ZHX3: variants seen among roughly 807,000 people sequenced by gnomAD.
The protein encoded by ZHX3 is zinc fingers and homeoboxes 3.
In ZHX3, 20 loss-of-function variants were observed where a neutral mutation model predicts 64.5. The observed-to-expected ratio is 0.31, with a 90% CI of 0.22 to 0.45. ZHX3 has a LOEUF of 0.45. ZHX3 is among the 20% of genes least tolerant of loss of function. The pLI is 1.00. For missense variants in ZHX3, 1,041 were observed against 1,195.8 expected (o/e 0.87, Z 1.91); for synonymous variants, 423 against 461.6 (o/e 0.92, Z 1.07).
chr20:41,310,976 T>C (rs920095149), intron 1 of ZHX3, among the ~76,000 whole-genome samples: 12 of 151,946 alleles, frequency 7.9e-5, no homozygotes, highest in African/African-American at 2.9e-4. Context: ...ACCAAGCTAA[T>C]TTTTTGTATT....
At chr20:41,288,174 C>G (rs544459966) in intron 1 of ZHX3, among the ~76,000 whole-genome samples, 8 of 152,292 alleles carry the variant, frequency 5.3e-5, no homozygotes, top group African/African-American at 1.7e-4. Flanking sequence ...CACATGCCAC[C>G]ACACCTGGCT....
rs6029560 is a variant in ZHX3 at position 41,178,475 on chromosome 20, G to A, written c.*6716C>T. 6.6e-6 allele frequency: 1 copy of A among 152,572 alleles called. No individual in the cohort carries two copies. Among genetic ancestry groups the A allele is most frequent in the South Asian group, 2.1e-4 (1 of 4,834 alleles). 9.5% of individuals were successfully genotyped at this position (152,572 alleles called of 1,614,324 possible). A position where few individuals can be genotyped will look rare whatever the true frequency, so the allele number is the denominator to read the frequency against. On this transcript the variant is annotated 3_prime_UTR_variant, in exon 4 of 4. Transcript: ENST00000683867. ...TGAAATATATTTATGTTTTTATTTA[G>A]GAATAATCAAAAGGTTTGAAGTACC... is the stretch of plus-strand genomic sequence containing the variant.
chr20:41,234,509 G>A (rs2040831377), intron 2 of ZHX3, among the ~76,000 whole-genome samples: 2 of 152,246 alleles, frequency 1.3e-5, no homozygotes, highest in South Asian at 4.1e-4. Context: ...TCAGGGAAAA[G>A]GGACAGATAT....
rs993119609 is a variant in ZHX3, at chr20:41,182,196, T to C, written c.*2995A>G. 2 of 152,090 alleles carry C rather than the reference T, an allele frequency of 1.3e-5. No homozygotes were observed. The highest frequency in any genetic ancestry group is 2.4e-5 in the African/African-American group (1 of 41,404). The allele number at this position is 152,090 out of a possible 1,614,324, so 9.4% of individuals were successfully genotyped here. ...TCTACAACCCCATGTAAAAAACAAA[T>C]GGGTACAAGACATCAGCAACAAAAA... is the stretch of plus-strand genomic sequence containing the variant. On this transcript the variant is annotated 3_prime_UTR_variant, in exon 4 of 4. Coordinates refer to ENST00000683867, the MANE Select transcript of ZHX3 (RefSeq NM_001384317.1). This position sits in a 1 kb window ranked among gnomAD's most constrained non-coding sequence, Gnocchi z 6.1.
At position 41,178,871 on chromosome 20, in the gene ZHX3, A is replaced by G. The variant is rs898702709; in HGVS notation, c.*6320T>C. 8 of 152,680 alleles carry G rather than the reference A, an allele frequency of 5.2e-5. No individual in the cohort carries two copies. The highest frequency in any genetic ancestry group is 1.9e-4 in the African/African-American group (8 of 41,458). 9.5% of individuals were successfully genotyped at this position (152,680 alleles called of 1,614,324 possible). ...TTTGGCTAAAGTTTCATTGTGCCTC[A>G]AAACAAACAAAAACAGGGCAGTTGC... is the stretch of plus-strand genomic sequence containing the variant. On this transcript the variant is annotated 3_prime_UTR_variant, in exon 4 of 4. Transcript: ENST00000683867.
At chr20:41,269,978 A>C (rs2043051020) in intron 1 of ZHX3, among the ~76,000 whole-genome samples, 1 of 152,142 alleles carries the variant, frequency 6.6e-6, no homozygotes, top group South Asian at 2.1e-4. Context: ...ACACTGCATC[A>C]GGGATTGTTC....
intron 1 of ZHX3, among the ~76,000 whole-genome samples, chr20:41,313,501 C>G (rs1443489964): frequency 6.6e-6 from 1 of 151,712 alleles, no homozygotes; most frequent in African/African-American, 2.4e-5. Context: ...CATGGTAACA[C>G]AGCCCACACA....
chr20:41,253,929 A>AT (rs1008587249), intron 2 of ZHX3, among the ~76,000 whole-genome samples: 2 of 151,596 alleles, frequency 1.3e-5, no homozygotes, highest in African/African-American at 4.8e-5. Context: ...TATGTTTGAA[A>AT]TTTTTCATAA....
At chr20:41,233,065 G>C (rs1568865962) in intron 2 of ZHX3, among the ~76,000 whole-genome samples, 1 of 152,196 alleles carries the variant, frequency 6.6e-6, no homozygotes, top group African/African-American at 2.4e-5. Context: ...TGTTACACAA[G>C]CAACCTCAAC....
chr20:41,258,581 G>T (rs1232603900), intron 2 of ZHX3, among the ~76,000 whole-genome samples: 1 of 152,032 alleles, frequency 6.6e-6, no homozygotes, highest in African/African-American at 2.4e-5. Flanking sequence ...CCTTGATTCG[G>T]GTTTGCCTGA....
intron 2 of ZHX3, among the ~76,000 whole-genome samples, chr20:41,238,226 T>C (rs937990002): frequency 6.6e-5 from 10 of 152,242 alleles, no homozygotes; most frequent in Admixed American, 3.3e-4. Context: ...TTTGCATTTA[T>C]GTCGAACTCA....
At chr20:41,301,048 G>A (rs1181586356) in intron 1 of ZHX3, among the ~76,000 whole-genome samples, 1 of 152,190 alleles carries the variant, frequency 6.6e-6, no homozygotes, top group Non-Finnish European at 1.5e-5. Flanking sequence ...CAGTGACAGA[G>A]GCCAGAGTAC....
chr20:41,250,813 A>C (rs1600507529), intron 2 of ZHX3, among the ~76,000 whole-genome samples: 1 of 152,150 alleles, frequency 6.6e-6, no homozygotes, highest in East Asian at 1.9e-4. Flanking sequence ...CATACTACCT[A>C]TAAGGGAATA....
chr20:41,303,511 T>A (rs576411911), intron 1 of ZHX3, among the ~76,000 whole-genome samples: 3 of 152,230 alleles, frequency 2.0e-5, no homozygotes, highest in Non-Finnish European at 4.4e-5. Flanking sequence ...TGGATACCAA[T>A]GCTCCACTTT....
At position 41,282,319 on chromosome 20, in the gene ZHX3, C is replaced by G. The variant is rs1392932260; in HGVS notation, c.-244-13236G>C. ...CACATATTTTTATGCGTATTTAACA[C>G]TGGAGAAGTAATGTCTTAGAGGTCC... On this transcript the variant is annotated intron_variant, in intron 1 of 3. Coordinates refer to ENST00000683867, the MANE Select transcript of ZHX3 (RefSeq NM_001384317.1). Among the ~76,000 whole-genome samples the G allele has an allele frequency of 5.5e-5, 8 of 146,108 alleles. No homozygotes were observed. In the Admixed American group the frequency reaches 5.5e-4, roughly 10 times the overall value.
rs1359280521 is a variant in ZHX3, at chr20:41,202,348, G to C, written c.2569C>G (p.His857Asp). ...RELLQDYYMT[H>D]KMLYEEDLQN... Reference sequence around the variant, plus strand: ...AGGTCCTCTTCATACAGCATCTTGTGTGTCATGTAATAGTCCTGCAGGAGC... The same window carrying C: ...AGGTCCTCTTCATACAGCATCTTGTCTGTCATGTAATAGTCCTGCAGGAGC... Residue 857 changes from histidine (H) to aspartate (D), a missense_variant, in exon 3 of 4, where the codon CAC becomes GAC. Transcript: ENST00000683867. The surrounding 1 kb of genome is among the most constrained non-coding windows in gnomAD (Gnocchi z 7.0). The C allele has an allele frequency of 6.2e-7, 1 of 1,614,182 alleles. No homozygotes were observed. The highest frequency in any genetic ancestry group is 1.1e-5 in the South Asian group (1 of 91,082).
intron 2 of ZHX3, among the ~76,000 whole-genome samples, chr20:41,254,967 G>A (rs1370738040): frequency 6.6e-6 from 1 of 152,048 alleles, no homozygotes; most frequent in Non-Finnish European, 1.5e-5. Context: ...TAATAGTGAG[G>A]AAGACCAAAG....
At chr20:41,208,920 A>G (rs959673727) in intron 2 of ZHX3, among the ~76,000 whole-genome samples, 2 of 152,258 alleles carry the variant, frequency 1.3e-5, no homozygotes, top group African/African-American at 4.8e-5. Flanking sequence ...TGCAGATGAC[A>G]TGATTGTATA....
At chr20:41,249,630 A>G (rs1356532356) in intron 2 of ZHX3, among the ~76,000 whole-genome samples, 4 of 152,186 alleles carry the variant, frequency 2.6e-5, no homozygotes, top group Admixed American at 2.6e-4. Flanking sequence ...TCTCCAATAC[A>G]AAGTCTAATC....
Sources: allele counts gnomAD v4.1 joint callset (sites outside exome capture counted in the v4.1 genomes callset), GRCh38; gene constraint gnomAD v4.1.1; non-coding constraint Gnocchi (gnomAD v3.1); transcripts MANE v1.5; gene names NCBI Gene and HGNC (gene_info 2026-07-23, HGNC 2026-07-21).